DNAI1: variants seen among roughly 807,000 people sequenced by gnomAD.
DNAI1 encodes the protein dynein axonemal intermediate chain 1.
In DNAI1, 67 loss-of-function variants were observed where a neutral mutation model predicts 92.0. The observed-to-expected ratio is 0.73, with a 90% CI of 0.60 to 0.89. DNAI1 has a LOEUF of 0.89. Among genes scored for constraint, DNAI1 ranks in the 40% least tolerant of loss-of-function variants. DNAI1 has a pLI of 0.00. For missense variants in DNAI1, 839 were observed against 866.6 expected, an observed-to-expected ratio of 0.97 and a Z score of 0.40; for synonymous variants, 323 against 319.6, an observed-to-expected ratio of 1.01 and a Z score of -0.11.
intron 9 of DNAI1, among the ~76,000 whole-genome samples, chr9:34,496,472 A>T (rs1251090437): frequency 2.0e-5 from 3 of 152,118 alleles, no homozygotes; most frequent in Non-Finnish European, 4.4e-5. Context: ...AATTTCACAC[A>T]ATGGCAAGCT....
In DNAI1 at chr9:34,493,285, C is replaced by T. The variant is rs1824646960; in HGVS notation, c.773C>T (p.Ser258Leu). 6 of 1,614,028 alleles carry T rather than the reference C, an allele frequency of 3.7e-6. No homozygotes were observed. Among genetic ancestry groups the T allele is most frequent in the Admixed American group, 1.7e-5 (1 of 60,002 alleles). Residue 258 changes from serine to leucine, a missense_variant, in exon 9 of 20, where the codon TCA becomes TTA. Ser to Leu is a moderately radical substitution (Grantham distance 145). Coordinates refer to ENST00000242317, the MANE Select transcript of DNAI1 (RefSeq NM_012144.4). ...GCAAAGACCCCAGTGGCTAAAAAAT[C>T]AGGGAAGATGGCCATGAGGAAGCTG... ...EKAKTPVAKK[S>L]GKMAMRKLTS...
At position 34,483,436 on chromosome 9, in the gene DNAI1, T is replaced by C. The variant is rs1824413021; in HGVS notation, c.49-12T>C. On this transcript the variant is annotated splice_polypyrimidine_tract_variant and intron_variant, in intron 1 of 19. Coordinates refer to ENST00000242317, the MANE Select transcript of DNAI1 (RefSeq NM_012144.4). ...CTTATGACTTACCTTCTGTTTTCTG[T>C]TCTTCATTTAGAGCATCAGCATAGG... 6.2e-7 allele frequency: 1 copy of C among 1,611,028 alleles called. No individual in the cohort carries two copies. The highest frequency in any genetic ancestry group is 2.2e-5 in the East Asian group (1 of 44,864).
intron 19 of DNAI1, among the ~76,000 whole-genome samples, chr9:34,517,836 G>A (rs1825200062): frequency 6.6e-6 from 1 of 152,194 alleles, no homozygotes; most frequent in African/African-American, 2.4e-5. Flanking sequence ...CTGCCTCATT[G>A]ACTGGGCTTT....
rs1280327179 is a variant in DNAI1 at position 34,520,929 on chromosome 9, T to C, written c.*173T>C. On this transcript the variant is annotated 3_prime_UTR_variant, in exon 20 of 20. Transcript: ENST00000242317. ...CCCAGCACCTTACCCCAGGACTTGG[T>C]CTTCAACCACCATTACCCCTCTAAC... 1 of 699,826 alleles carries C rather than the reference T, an allele frequency of 1.4e-6. No homozygotes were observed. Among genetic ancestry groups the C allele is most frequent in the African/African-American group, 1.8e-5 (1 of 56,986 alleles). The allele number at this position is 699,826 out of a possible 1,614,324, so 43.4% of individuals were successfully genotyped here. A position where few individuals can be genotyped will look rare whatever the true frequency, so the allele number is the denominator to read the frequency against.
intron 4 of DNAI1, among the ~76,000 whole-genome samples, chr9:34,486,963 A>G (rs1824485097): frequency 6.6e-6 from 1 of 152,026 alleles, no homozygotes; most frequent in South Asian, 2.1e-4. Context: ...ATTTCTTTTT[A>G]TTGCCAAATA....
intron 2 of DNAI1, 118 bp from the exon 3 acceptor site, chr9:34,485,024 A>G: frequency 1.1e-6 from 1 of 944,526 alleles, no homozygotes; most frequent in East Asian, 2.5e-5. Context: ...TACATTTTGT[A>G]TTCTACATAC....
chr9:34,483,593 A>G, intron 2 of DNAI1, 113 bp downstream of exon 2: 2 of 1,066,748 alleles, frequency 1.9e-6, no homozygotes, highest in Non-Finnish European at 2.8e-6. Flanking sequence ...GAAGAATGTT[A>G]AAATCACCCT....
At chr9:34,474,409 T>C (rs1824200616) in intron 1 of DNAI1, among the ~76,000 whole-genome samples, 1 of 151,528 alleles carries the variant, frequency 6.6e-6, no homozygotes, top group Non-Finnish European at 1.5e-5. Context: ...TAATTTTGTT[T>C]ATTTTTTTGT....
intron 1 of DNAI1, among the ~76,000 whole-genome samples, chr9:34,463,120 T>A (rs1319483700): frequency 6.6e-6 from 1 of 151,804 alleles, no homozygotes; most frequent in Non-Finnish European, 1.5e-5. Flanking sequence ...AGCAAAGACC[T>A]GAAGGAAATG....
At chr9:34,484,334 A>G (rs1824431230) in intron 2 of DNAI1, among the ~76,000 whole-genome samples, 1 of 152,246 alleles carries the variant, frequency 6.6e-6, no homozygotes, top group Non-Finnish European at 1.5e-5. Flanking sequence ...TCCTACATGT[A>G]CAAATTTGGG....
Position 34,490,426 on chromosome 9 carries a change from A to G in DNAI1, c.559A>G (p.Lys187Glu). The G allele has an allele frequency of 1.9e-6, 3 of 1,614,206 alleles. No homozygotes were observed. Among genetic ancestry groups the G allele is most frequent in the Non-Finnish European group, 2.5e-6 (3 of 1,180,020 alleles). The stretch of plus-strand genomic sequence containing the variant: ...GACTCCTAAGCAGCCCAAGGAGAGA[A>G]AGCTCACTAACCAGTTCAACTTCAG... ...LMTPKQPKER[K>E]LTNQFNFSER... Residue 187 changes from lysine to glutamate, a missense_variant, in exon 7 of 20, where the codon AAG becomes GAG. Coordinates refer to ENST00000242317, the MANE Select transcript of DNAI1 (RefSeq NM_012144.4).
intron 9 of DNAI1, among the ~76,000 whole-genome samples, chr9:34,494,067 T>C (rs1418170012): frequency 6.6e-6 from 1 of 152,076 alleles, no homozygotes; most frequent in African/African-American, 2.4e-5. Flanking sequence ...AGAGTCCCAT[T>C]GTGGATCAGG....
chr9:34,495,179 A>G lies in DNAI1; in HGVS notation c.816+1851A>G, dbSNP rs371168070. On this transcript the variant is annotated intron_variant, in intron 9 of 19. Coordinates refer to ENST00000242317, the MANE Select transcript of DNAI1 (RefSeq NM_012144.4). ...TAGGTAGGAAAGGAGGAAAGGGCTCACAGGCTGCAAGTTCAGTGAGAACTA... is the reference window on the plus strand; with the variant it reads ...TAGGTAGGAAAGGAGGAAAGGGCTCGCAGGCTGCAAGTTCAGTGAGAACTA... 3.9e-4 allele frequency among the ~76,000 whole-genome samples: 59 copies of G among 152,366 alleles called. No individual in the cohort carries two copies. In the South Asian group the frequency reaches 5.4e-3, roughly 14 times the overall value.
At chr9:34,461,054 G>A (rs1442351086) in intron 1 of DNAI1, among the ~76,000 whole-genome samples, 3 of 152,110 alleles carry the variant, frequency 2.0e-5, no homozygotes, top group Admixed American at 6.5e-5. Context: ...TGTTAGCCAC[G>A]ATGGTCTTGG....
At position 34,506,812 on chromosome 9, in the gene DNAI1, C is replaced by T; in HGVS notation, c.1249C>T (p.His417Tyr). Residue 417 changes from histidine (H) to tyrosine (Y), a missense_variant, in exon 13 of 20, where the codon CAC becomes TAC. His to Tyr is a moderately conservative substitution (Grantham distance 83). Coordinates refer to ENST00000242317, the MANE Select transcript of DNAI1 (RefSeq NM_012144.4). ...GGCCATTTACAACCTCAAGAAGCCC[C>T]ACTCCCAGCCCTCCTTCTGCAGCTC... ...NVAIYNLKKP[H>Y]SQPSFCSSAK... 1 of 1,614,160 alleles carries T rather than the reference C, an allele frequency of 6.2e-7. No homozygotes were observed. The highest frequency in any genetic ancestry group is 1.7e-5 in the Admixed American group (1 of 60,030).
intron 13 of DNAI1, among the ~76,000 whole-genome samples, chr9:34,509,930 ACAGGTTTGGC>A (rs1402830402): frequency 6.6e-6 from 1 of 152,062 alleles, no homozygotes; most frequent in Non-Finnish European, 1.5e-5. Flanking sequence ...AAAAAGAAAA[ACAGGTTTGGC>A]CAGAAAGTAA....
At chr9:34,479,954 T>C (rs1360422283) in intron 1 of DNAI1, among the ~76,000 whole-genome samples, 1 of 152,188 alleles carries the variant, frequency 6.6e-6, no homozygotes, top group Non-Finnish European at 1.5e-5. Context: ...TAAGTGCCCA[T>C]CTAGTCTAAC....
chr9:34,510,511 A>G (rs1825043308), intron 13 of DNAI1, among the ~76,000 whole-genome samples: 1 of 151,964 alleles, frequency 6.6e-6, no homozygotes, highest in Admixed American at 6.6e-5. Context: ...GTCCCTGGGA[A>G]TTCATTCATT....
intron 3 of DNAI1, 57 bp downstream of exon 3, chr9:34,485,297 G>A: frequency 4.4e-6 from 7 of 1,608,956 alleles, no homozygotes; most frequent in African/African-American, 1.3e-5. Context: ...TCGGAGATGT[G>A]TTCTTCCATA....
Sources: gnomAD v4.1 joint callset for allele counts (sites outside exome capture counted in the v4.1 genomes callset) on GRCh38, gnomAD v4.1.1 for gene constraint, MANE v1.5 for transcripts, NCBI Gene and HGNC (gene_info 2026-07-23, HGNC 2026-07-21) for gene names.